The following LRRK2 variants were observed in gnomAD, a reference collection of about 807,000 sequenced individuals.
The protein encoded by LRRK2 is leucine-rich repeat serine/threonine-protein kinase 2.
In LRRK2, 203 loss-of-function variants were observed where a neutral mutation model predicts 302.6. That is an observed-to-expected ratio of 0.67 (90% CI 0.60 to 0.75). The LOEUF (loss-of-function observed/expected upper bound fraction) is 0.75, where lower values mean the gene tolerates loss of function less well. LRRK2 is among the 30% of genes least tolerant of loss of function. The pLI, the probability that LRRK2 is intolerant of heterozygous loss-of-function variation, is 0.00. For synonymous variants in LRRK2, 1,066 were observed against 1,031.9 expected, an observed-to-expected ratio of 1.03 and a Z score of -0.63; for missense variants, 2,830 against 2,951.0, an observed-to-expected ratio of 0.96 and a Z score of 0.95.
Position 40,298,251 on chromosome 12 carries a change from G to A in LRRK2, c.3105G>A (p.Lys1035=), listed in dbSNP as rs761723775. ...SFPQQLCETL[K]SLTHLDLHSN... is the part of the protein sequence containing the mutation. ...AACTATTGTCTTTTCAGACTCTGAA[G>A]AGTTTGACACATTTGGACTTGCACA... The change falls in exon 24 of 51, where the codon AAG becomes AAA. Residue 1035 remains lysine, a synonymous_variant. Coordinates refer to ENST00000298910, the MANE Select transcript of LRRK2 (RefSeq NM_198578.4). The A allele has an allele frequency of 6.2e-7, 1 of 1,613,382 alleles. No homozygotes were observed.
At chr12:40,337,586 C>T (rs968379879) in intron 40 of LRRK2, among the ~76,000 whole-genome samples, 3 of 152,150 alleles carry the variant, frequency 2.0e-5, no homozygotes, top group Non-Finnish European at 4.4e-5. Context: ...AGGTCCTTGA[C>T]TCTATTTTAC....
At chr12:40,339,626 A>G (rs936899589) in intron 40 of LRRK2, among the ~76,000 whole-genome samples, 1 of 152,162 alleles carries the variant, frequency 6.6e-6, no homozygotes, top group African/African-American at 2.4e-5. Flanking sequence ...TCTTAGCCCC[A>G]AATTTTCTTT....
Position 40,329,376 on chromosome 12 carries a change from C to G in LRRK2, c.5757+916C>G, listed in dbSNP as rs186150503. Among the ~76,000 whole-genome samples, 50 of 152,236 alleles carry G rather than the reference C, an allele frequency of 3.3e-4. No individual in the cohort carries two copies. The South Asian group carries it at 3.7e-3, about 11-fold the overall frequency. On this transcript the variant is annotated intron_variant, in intron 39 of 50. Coordinates refer to ENST00000298910, the MANE Select transcript of LRRK2 (RefSeq NM_198578.4). ...TGAGATGAGGAAAATTAACGCTATT[C>G]TTTCTCCTTTTCCCATCACCTTCTC...
At chr12:40,366,398 A>G (rs17520655) in intron 49 of LRRK2, 38 of 151,944 alleles carry the variant, frequency 2.5e-4, no homozygotes, top group African/African-American at 8.4e-4. Context: ...CATAGTTTTG[A>G]TCATGGTCAT....
intron 41 of LRRK2, 59 bp downstream of exon 41, chr12:40,340,513 G>C: frequency 6.4e-7 from 1 of 1,551,598 alleles, no homozygotes; most frequent in Non-Finnish European, 8.9e-7. Flanking sequence ...ACTGACCTCA[G>C]ATGTGAGTTC....
intron 41 of LRRK2, among the ~76,000 whole-genome samples, chr12:40,343,909 T>A (rs1946119417): frequency 6.6e-6 from 1 of 152,190 alleles, no homozygotes; most frequent in Non-Finnish European, 1.5e-5. Flanking sequence ...AGAAGGGTAT[T>A]ATATTATAAT....
chr12:40,328,603 G>C (rs558778212), intron 39 of LRRK2, 143 bp downstream of exon 39: 1 of 647,742 alleles, frequency 1.5e-6, no homozygotes. Context: ...TTGTCTTTTC[G>C]TTGTGGAGTA....
chr12:40,233,742 A>G (rs1941307473), intron 3 of LRRK2, among the ~76,000 whole-genome samples: 1 of 152,198 alleles, frequency 6.6e-6, no homozygotes, highest in Non-Finnish European at 1.5e-5. Context: ...AGTGTTTGGG[A>G]AACTCATCTA....
intron 39 of LRRK2, among the ~76,000 whole-genome samples, chr12:40,328,897 T>G (rs1390042624): frequency 6.6e-6 from 1 of 152,218 alleles, no homozygotes; most frequent in Non-Finnish European, 1.5e-5. Context: ...CTTCCAGACC[T>G]TGAAGCCTAG....
chr12:40,322,225 A>G lies in LRRK2; in HGVS notation c.5317+44A>G, dbSNP rs749281738. 5 of 1,582,074 alleles carry G rather than the reference A, an allele frequency of 3.2e-6. No homozygotes were observed. The East Asian group carries it at 1.1e-4, about 35-fold the overall frequency. On this transcript the variant is annotated intron_variant, in intron 36 of 50. Coordinates refer to ENST00000298910, the MANE Select transcript of LRRK2 (RefSeq NM_198578.4). Reference sequence around the variant, plus strand: ...ATGTTTTCAATTGCAACACTAAAGAAATTTAAACTTAAAAAAAAAAAAAAC... The same window carrying G: ...ATGTTTTCAATTGCAACACTAAAGAGATTTAAACTTAAAAAAAAAAAAAAC...
At position 40,233,189 on chromosome 12, in the gene LRRK2, C is replaced by T. The variant is rs180921979; in HGVS notation, c.347+806C>T. On this transcript the variant is annotated intron_variant, in intron 3 of 50. Coordinates refer to ENST00000298910, the MANE Select transcript of LRRK2 (RefSeq NM_198578.4). The stretch of plus-strand genomic sequence containing the variant: ...CCGAGATTGCACCACTGCACTCCAG[C>T]CTGGGTGACAGAGCGACACTCTGTC... Among the ~76,000 whole-genome samples, 11 of 152,220 alleles carry T rather than the reference C, an allele frequency of 7.2e-5. No individual in the cohort carries two copies. The East Asian group carries it at 2.1e-3, about 29-fold the overall frequency.
chr12:40,256,331 C>T (rs1942504659), intron 11 of LRRK2, among the ~76,000 whole-genome samples: 1 of 152,058 alleles, frequency 6.6e-6, no homozygotes, highest in South Asian at 2.1e-4. Flanking sequence ...CTTGTAGTCC[C>T]TGGTACTTGG....
At chr12:40,325,882 A>G (rs1201140553) in intron 38 of LRRK2, among the ~76,000 whole-genome samples, 1 of 152,216 alleles carries the variant, frequency 6.6e-6, no homozygotes, top group Non-Finnish European at 1.5e-5. Flanking sequence ...ATTTTAAAAT[A>G]TAAATGTATG....
At chr12:40,323,063 A>T in intron 37 of LRRK2, 97 bp from the exon 38 acceptor site, 6 of 1,010,700 alleles carry the variant, frequency 5.9e-6, no homozygotes, top group Non-Finnish European at 9.1e-6. Flanking sequence ...ATTAGAAATT[A>T]TAGAAAATAT....
intron 14 of LRRK2, among the ~76,000 whole-genome samples, chr12:40,264,218 A>C (rs1449439596): frequency 5.3e-5 from 8 of 152,232 alleles, no homozygotes; most frequent in African/African-American, 1.7e-4. Flanking sequence ...CTTGTGAGTC[A>C]TGCTGGGTAC....
At chr12:40,306,695 C>G (rs1944838057) in intron 28 of LRRK2, among the ~76,000 whole-genome samples, 1 of 152,174 alleles carries the variant, frequency 6.6e-6, no homozygotes, top group African/African-American at 2.4e-5. Context: ...TGTTCACTCA[C>G]TATTCAAATC....
At chr12:40,237,933 C>A (rs539054164) in intron 4 of LRRK2, 36 bp from the exon 5 acceptor site, 2 of 1,595,822 alleles carry the variant, frequency 1.3e-6, no homozygotes, top group Non-Finnish European at 1.7e-6. Context: ...GTTAAAGCAG[C>A]TCTTTACTCA....
Position 40,238,123 on chromosome 12 carries a change from T to G in LRRK2, c.571+20T>G, listed in dbSNP as rs552419678. The stretch of plus-strand genomic sequence containing the variant: ...AGAGAGGTATTTTAAAATGTCAAAT[T>G]CCTTAAAGTATATATAAGAAAAAAA... On this transcript the variant is annotated intron_variant, in intron 5 of 50. Coordinates refer to ENST00000298910, the MANE Select transcript of LRRK2 (RefSeq NM_198578.4). The G allele has an allele frequency of 1.2e-6, 2 of 1,611,274 alleles. No individual in the cohort carries two copies. The highest frequency in any genetic ancestry group is 8.5e-7 in the Non-Finnish European group (1 of 1,178,600).
At chr12:40,299,060 A>G in intron 24 of LRRK2, 49 bp from the exon 25 acceptor site, 1 of 1,581,440 alleles carries the variant, frequency 6.3e-7, no homozygotes, top group Non-Finnish European at 8.7e-7. Flanking sequence ...TTTTCTTTAA[A>G]GCATATGAAT....
Sources: allele counts gnomAD v4.1 joint callset (sites outside exome capture counted in the v4.1 genomes callset), GRCh38; gene constraint gnomAD v4.1.1; transcripts MANE v1.5; gene names NCBI Gene and HGNC (gene_info 2026-07-23, HGNC 2026-07-21).